PLCE1: variants seen among roughly 807,000 people sequenced by gnomAD.
The protein encoded by PLCE1 is 1-phosphatidylinositol 4,5-bisphosphate phosphodiesterase epsilon-1.
A neutral mutation model predicts 242.8 loss-of-function variants in PLCE1; 119 were observed. That is an observed-to-expected ratio of 0.49 (90% CI 0.42 to 0.57). The LOEUF (loss-of-function observed/expected upper bound fraction) is 0.57, where lower values mean the gene tolerates loss of function less well. Among genes scored for constraint, PLCE1 ranks in the 20% least tolerant of loss-of-function variants. PLCE1 has a pLI of 0.00. For missense variants in PLCE1, 2,441 were observed against 2,788.8 expected (o/e 0.88, Z 2.81); for synonymous variants, 945 against 1,017.4 (o/e 0.93, Z 1.35).
rs80121572 is a variant in PLCE1 at position 94,020,128 on chromosome 10, A to C, written c.-364-10555A>C. Among the ~76,000 whole-genome samples the C allele has an allele frequency of 8.3e-3, 1,270 of 152,308 alleles. 14 individuals are homozygous for C. Among genetic ancestry groups the C allele is most frequent in the African/African-American group, 0.029 (1,204 of 41,576 alleles). On this transcript the variant is annotated intron_variant, in intron 1 of 32. Coordinates refer to ENST00000371380, the MANE Select transcript of PLCE1 (RefSeq NM_016341.4). ...TGTACCACTTTATATTCTGACCAGCAATGTTGCAGTTGCTCTATGTTTTTA... is the reference window on the plus strand; with the variant it reads ...TGTACCACTTTATATTCTGACCAGCCATGTTGCAGTTGCTCTATGTTTTTA...
At chr10:94,288,445 G>A (rs994370929) in intron 22 of PLCE1, among the ~76,000 whole-genome samples, 2 of 152,174 alleles carry the variant, frequency 1.3e-5, no homozygotes, top group African/African-American at 4.8e-5. Flanking sequence ...CTCAAAAGTG[G>A]AGTTGACTAG....
rs11187797 is a variant in PLCE1, at chr10:94,167,918, C to T, written c.1493-3262C>T. 2.6e-5 allele frequency among the ~76,000 whole-genome samples: 4 copies of T among 152,092 alleles called. No individual in the cohort carries two copies. In the East Asian group the frequency reaches 7.7e-4, roughly 29 times the overall value. On this transcript the variant is annotated intron_variant, in intron 3 of 32. Transcript: ENST00000371380. Reference sequence around the variant, plus strand: ...GCCAGGCTGGCTTTGAACTCCTGGCCTCAAGTGATCCGCCAGCCTCGGCCT... The same window carrying T: ...GCCAGGCTGGCTTTGAACTCCTGGCTTCAAGTGATCCGCCAGCCTCGGCCT...
chr10:94,169,191 C>G lies in PLCE1; in HGVS notation c.1493-1989C>G, dbSNP rs74151076. ...TTAGTAATTTGGCCAGAGAGCATGG[C>G]CTGATTTTTTGATCAGAAGATATAG... On this transcript the variant is annotated intron_variant, in intron 3 of 32. Coordinates refer to ENST00000371380, the MANE Select transcript of PLCE1 (RefSeq NM_016341.4). 5.8e-3 allele frequency among the ~76,000 whole-genome samples: 877 copies of G among 152,148 alleles called. 9 individuals are homozygous for G. The highest frequency in any genetic ancestry group is 0.02 in the African/African-American group (835 of 41,490).
intron 32 of PLCE1, 194 bp downstream of exon 32, chr10:94,325,298 A>G: frequency 3.7e-6 from 2 of 541,100 alleles, no homozygotes; most frequent in Non-Finnish European, 6.6e-6. Flanking sequence ...AACACCGCCT[A>G]TAAAGAAAAA....
intron 19 of PLCE1, among the ~76,000 whole-genome samples, chr10:94,279,078 C>T (rs770725120): frequency 1.7e-4 from 26 of 152,052 alleles, no homozygotes; most frequent in Non-Finnish European, 3.2e-4. Flanking sequence ...AGATTGTTTC[C>T]TGCATTTAGT....
At chr10:94,233,312 G>A (rs1182461521) in intron 5 of PLCE1, among the ~76,000 whole-genome samples, 2 of 152,182 alleles carry the variant, frequency 1.3e-5, no homozygotes. Flanking sequence ...CTACAGAAGA[G>A]GTGAAAACAA....
intron 6 of PLCE1, 84 bp from the exon 7 acceptor site, chr10:94,235,831 T>G (rs2050302255): frequency 2.7e-6 from 4 of 1,474,346 alleles, no homozygotes; most frequent in Non-Finnish European, 3.8e-6. Flanking sequence ...CATTATTTAT[T>G]ACTTTATGAT....
At chr10:94,121,903 G>T (rs1386719949) in intron 2 of PLCE1, among the ~76,000 whole-genome samples, 2 of 152,202 alleles carry the variant, frequency 1.3e-5, no homozygotes, top group Admixed American at 6.5e-5. Context: ...GGCCCTGGGA[G>T]CCATGAAGAT....
intron 23 of PLCE1, among the ~76,000 whole-genome samples, chr10:94,296,973 A>G (rs1428661779): frequency 6.6e-6 from 1 of 151,934 alleles, no homozygotes; most frequent in Non-Finnish European, 1.5e-5. Flanking sequence ...TCCCGGGTTC[A>G]AGCGATTCTC....
At chr10:94,194,314 A>AT (rs1382384290) in intron 4 of PLCE1, among the ~76,000 whole-genome samples, 1 of 152,094 alleles carries the variant, frequency 6.6e-6, no homozygotes, top group Non-Finnish European at 1.5e-5. Context: ...TTTCACATTC[A>AT]TTTTTTGTCC....
chr10:94,237,715 G>A (rs1361362972), intron 7 of PLCE1, among the ~76,000 whole-genome samples: 2 of 152,200 alleles, frequency 1.3e-5, no homozygotes, highest in African/African-American at 4.8e-5. Context: ...CAACACACAA[G>A]TTAGGTTGGT....
chr10:94,246,311 G>C lies in PLCE1; in HGVS notation c.2786G>C (p.Ser929Thr), dbSNP rs61732521. 203 of 1,614,206 alleles carry C rather than the reference G, an allele frequency of 1.3e-4. No homozygotes were observed. The African/African-American group carries it at 2.5e-3, about 20-fold the overall frequency. ...CCACTACTGGGTAATGCTGGATTAA[G>C]TAGCCTGACGGAAGGGGTCTTGGAT... ...KFPLLGNAGL[S>T]SLTEGVLDLF... The change falls in exon 8 of 33, where the codon AGT (serine) becomes ACT (threonine). Residue 929 changes from serine (S) to threonine (T), a missense_variant. By Grantham distance (58) the Ser-to-Thr change is moderately conservative. Coordinates refer to ENST00000371380, the MANE Select transcript of PLCE1 (RefSeq NM_016341.4).
intron 11 of PLCE1, among the ~76,000 whole-genome samples, chr10:94,256,550 A>G (rs534840954): frequency 6.6e-6 from 1 of 152,090 alleles, no homozygotes; most frequent in African/African-American, 2.4e-5. Context: ...GTAAATTTAG[A>G]TTCATAACAA....
intron 1 of PLCE1, among the ~76,000 whole-genome samples, chr10:94,000,762 A>G (rs2060916172): frequency 1.3e-5 from 2 of 152,190 alleles, no homozygotes; most frequent in Non-Finnish European, 2.9e-5. Context: ...AGGTGACTTC[A>G]TATACAGTGC....
intron 2 of PLCE1, among the ~76,000 whole-genome samples, chr10:94,051,285 T>TAAAAA (rs1232966819): frequency 1.3e-4 from 2 of 15,710 alleles, no homozygotes; most frequent in Non-Finnish European, 1.8e-4. Flanking sequence ...AGACTCCAAC[T>TAAAAA]CAAAAAAAAA....
intron 1 of PLCE1, among the ~76,000 whole-genome samples, 194 bp from the exon 2 acceptor site, chr10:94,030,489 G>A (rs2061535891): frequency 1.3e-5 from 2 of 149,630 alleles, no homozygotes; most frequent in Non-Finnish European, 3.0e-5. Flanking sequence ...TCTTGCCCTT[G>A]TTACTCCATT....
intron 5 of PLCE1, among the ~76,000 whole-genome samples, chr10:94,232,672 C>T (rs761834545): frequency 5.3e-5 from 8 of 152,194 alleles, no homozygotes; most frequent in Non-Finnish European, 8.8e-5. Context: ...CCCCTGGGGT[C>T]CTGTCCTCAC....
At chr10:94,059,669 G>A (rs546916962) in intron 2 of PLCE1, among the ~76,000 whole-genome samples, 72 of 152,286 alleles carry the variant, frequency 4.7e-4, no homozygotes, top group African/African-American at 1.7e-3. Flanking sequence ...TTAGAAATAT[G>A]TGTGTTACAT....
chr10:94,229,958 T>C (rs2050086552), intron 5 of PLCE1, among the ~76,000 whole-genome samples: 1 of 152,220 alleles, frequency 6.6e-6, no homozygotes, highest in Non-Finnish European at 1.5e-5. Context: ...ATGCAATGAT[T>C]ATGGAGGCAG....
Sources: allele counts gnomAD v4.1 joint callset (sites outside exome capture counted in the v4.1 genomes callset), GRCh38; gene constraint gnomAD v4.1.1; transcripts MANE v1.5; gene names NCBI Gene and HGNC (gene_info 2026-07-23, HGNC 2026-07-21).